Variants in FAM135B observed in about 807,000 individuals in gnomAD.
FAM135B encodes the protein family with sequence similarity 135 member B.
A neutral mutation model predicts 127.7 loss-of-function variants in FAM135B; 43 were observed. The observed-to-expected ratio is 0.34, with a 90% CI of 0.26 to 0.43. The LOEUF is 0.43. FAM135B is among the 20% of genes least tolerant of loss of function. FAM135B has a pLI of 1.00. For synonymous variants in FAM135B, 670 were observed against 665.1 expected, an observed-to-expected ratio of 1.01 and a Z score of -0.11; for missense variants, 1,558 against 1,725.6, an observed-to-expected ratio of 0.90 and a Z score of 1.72.
intron 1 of FAM135B, among the ~76,000 whole-genome samples, chr8:138,488,420 C>A (rs1354335267): frequency 2.0e-5 from 3 of 149,912 alleles, no homozygotes; most frequent in South Asian, 2.1e-4. Flanking sequence ...ATAATGAATT[C>A]TTTTGAGGAA....
intron 2 of FAM135B, among the ~76,000 whole-genome samples, chr8:138,316,927 C>G (rs1563891478): frequency 6.6e-6 from 1 of 151,732 alleles, no homozygotes; most frequent in Admixed American, 6.6e-5. Context: ...TTGCAGTGAG[C>G]CGTGACCGCA....
chr8:138,376,679 G>A (rs1350790297), intron 1 of FAM135B, among the ~76,000 whole-genome samples: 2 of 152,062 alleles, frequency 1.3e-5, no homozygotes, highest in Admixed American at 1.3e-4. Context: ...TTCCATCTCT[G>A]TACAAAGTAC....
At chr8:138,479,470 A>G (rs2131678832) in intron 1 of FAM135B, among the ~76,000 whole-genome samples, 1 of 152,318 alleles carries the variant, frequency 6.6e-6, no homozygotes, top group Non-Finnish European at 1.5e-5. Context: ...CAATGTTGAT[A>G]GAGGCTTGTT....
chr8:138,421,409 T>A (rs939741153), intron 1 of FAM135B, among the ~76,000 whole-genome samples: 1 of 152,202 alleles, frequency 6.6e-6, no homozygotes, highest in Non-Finnish European at 1.5e-5. Flanking sequence ...AGTCTCTGTA[T>A]AGAAGCTCTT....
chr8:138,156,652 G>C lies in FAM135B; in HGVS notation c.1259-3436C>G, dbSNP rs1317789091. Among the ~76,000 whole-genome samples, 9 of 152,220 alleles carry C rather than the reference G, an allele frequency of 5.9e-5. No individual in the cohort carries two copies. In the East Asian group the frequency reaches 1.7e-3, roughly 29 times the overall value. ...CCCACAGAAATACAAACTACCATCAGAGAATACTAAAAACACCTCTACGCA... is the reference window on the plus strand; with the variant it reads ...CCCACAGAAATACAAACTACCATCACAGAATACTAAAAACACCTCTACGCA... On this transcript the variant is annotated intron_variant, in intron 12 of 19. Coordinates refer to ENST00000395297, the MANE Select transcript of FAM135B (RefSeq NM_015912.4).
intron 7 of FAM135B, 21 bp from the exon 8 acceptor site, chr8:138,197,690 A>G: frequency 6.2e-7 from 1 of 1,609,918 alleles, no homozygotes; most frequent in Non-Finnish European, 8.5e-7. Context: ...AAACAGAAAC[A>G]GAGGCTGAGG....
chr8:138,166,061 C>A lies in FAM135B; in HGVS notation c.1258+1834G>T, dbSNP rs542711818. On this transcript the variant is annotated intron_variant, in intron 12 of 19. Transcript: ENST00000395297. The stretch of plus-strand genomic sequence containing the variant: ...AACTTGCACAGACAGCGAGGCAGAG[C>A]ACAGACTTTGGAATCAGAGTTGGCG... Among the ~76,000 whole-genome samples, 61 of 152,264 alleles carry A rather than the reference C, an allele frequency of 4.0e-4. 1 individual carries two copies. Among genetic ancestry groups the A allele is most frequent in the Middle Eastern group, 6.8e-3 (2 of 294 alleles).
At chr8:138,319,147 C>T (rs1340862773) in intron 2 of FAM135B, among the ~76,000 whole-genome samples, 2 of 152,076 alleles carry the variant, frequency 1.3e-5, no homozygotes, top group African/African-American at 4.8e-5. Context: ...TGCTCTGTCA[C>T]CCAGGCTGGA....
At chr8:138,400,219 G>A (rs1326889715) in intron 1 of FAM135B, among the ~76,000 whole-genome samples, 3 of 152,106 alleles carry the variant, frequency 2.0e-5, no homozygotes, top group African/African-American at 7.2e-5. Context: ...AGCCAGAGTC[G>A]CTCCTCAGAT....
At chr8:138,397,119 G>T (rs1283002807) in intron 1 of FAM135B, among the ~76,000 whole-genome samples, 2 of 152,158 alleles carry the variant, frequency 1.3e-5, no homozygotes, top group Non-Finnish European at 2.9e-5. Flanking sequence ...AACCGGATGA[G>T]CTGCTTTAGT....
At chr8:138,306,026 A>G (rs986633466) in intron 3 of FAM135B, among the ~76,000 whole-genome samples, 9 of 152,306 alleles carry the variant, frequency 5.9e-5, no homozygotes, top group African/African-American at 2.2e-4. Context: ...TGAGACACAC[A>G]ATGAAGTTTC....
chr8:138,345,823 G>A (rs745939584), intron 2 of FAM135B, among the ~76,000 whole-genome samples: 2 of 152,208 alleles, frequency 1.3e-5, no homozygotes, highest in Non-Finnish European at 2.9e-5. Context: ...GATCTCTACT[G>A]CCTCAGTTTC....
chr8:138,423,467 T>A (rs530707770), intron 1 of FAM135B, among the ~76,000 whole-genome samples: 40 of 152,122 alleles, frequency 2.6e-4, no homozygotes, highest in Middle Eastern at 3.4e-3. Flanking sequence ...GGGGGAGACA[T>A]CACATGTCGG....
chr8:138,237,016 T>C (rs1470006095), intron 7 of FAM135B, among the ~76,000 whole-genome samples: 1 of 152,176 alleles, frequency 6.6e-6, no homozygotes, highest in Non-Finnish European at 1.5e-5. Flanking sequence ...CTAAAGTCCG[T>C]GTCTTCCCAC....
At chr8:138,187,434 T>G (rs1015043468) in intron 9 of FAM135B, among the ~76,000 whole-genome samples, 1 of 151,950 alleles carries the variant, frequency 6.6e-6, no homozygotes, top group African/African-American at 2.4e-5. Context: ...TGAGAGAGAC[T>G]TCATCTACAC....
chr8:138,417,310 C>T (rs944624676), intron 1 of FAM135B, among the ~76,000 whole-genome samples: 16 of 152,304 alleles, frequency 1.1e-4, no homozygotes, highest in Non-Finnish European at 1.8e-4. Context: ...CAGGCACCTG[C>T]CAGTGGCCTG....
At chr8:138,307,237 A>G (rs1826328903) in intron 3 of FAM135B, among the ~76,000 whole-genome samples, 1 of 152,174 alleles carries the variant, frequency 6.6e-6, no homozygotes, top group Non-Finnish European at 1.5e-5. Flanking sequence ...TAAAAAGAGG[A>G]GTTCTCCTAT....
chr8:138,194,845 C>T (rs965097711), intron 9 of FAM135B, among the ~76,000 whole-genome samples: 1 of 152,186 alleles, frequency 6.6e-6, no homozygotes, highest in Non-Finnish European at 1.5e-5. Context: ...TTGGCAAATG[C>T]ATGTGACTGT....
intron 3 of FAM135B, among the ~76,000 whole-genome samples, chr8:138,269,715 G>C (rs1823226101): frequency 6.6e-6 from 1 of 152,186 alleles, no homozygotes; most frequent in South Asian, 2.1e-4. Context: ...CCTTAGGCAG[G>C]ACTACAGAAT....
Sources: allele counts gnomAD v4.1 joint callset (sites outside exome capture counted in the v4.1 genomes callset), GRCh38; gene constraint gnomAD v4.1.1; transcripts MANE v1.5; gene names NCBI Gene and HGNC (gene_info 2026-07-23, HGNC 2026-07-21).